The following MSRB3 variants were observed in gnomAD, a reference collection of about 807,000 sequenced individuals.
The protein encoded by MSRB3 is methionine sulfoxide reductase B3.
MSRB3 carries 13 observed loss-of-function variants against 21.0 expected under a neutral mutation model. That is an observed-to-expected ratio of 0.62 (90% CI 0.40 to 0.98). MSRB3 has a LOEUF of 0.98. Ranked by LOEUF, MSRB3 falls within the 50% of genes least tolerant of loss-of-function variation. The pLI, the probability that MSRB3 is intolerant of heterozygous loss-of-function variation, is 0.00. For synonymous variants in MSRB3, 87 were observed against 88.6 expected (o/e 0.98, Z 0.10); for missense variants, 199 against 230.3 (o/e 0.86, Z 0.88).
chr12:65,357,217 T>G (rs1239501519), intron 4 of MSRB3, among the ~76,000 whole-genome samples: 2 of 151,850 alleles, frequency 1.3e-5, no homozygotes, highest in Non-Finnish European at 2.9e-5. Context: ...CCATATCTAG[T>G]CTACCAATGC....
chr12:65,378,302 C>T (rs750909118), intron 5 of MSRB3, among the ~76,000 whole-genome samples: 1 of 152,158 alleles, frequency 6.6e-6, no homozygotes, highest in Non-Finnish European at 1.5e-5. Context: ...ATATAGTCAT[C>T]AAGCCTATCA....
At chr12:65,299,911 T>G (rs951591465) in intron 1 of MSRB3, among the ~76,000 whole-genome samples, 4 of 152,238 alleles carry the variant, frequency 2.6e-5, no homozygotes, top group African/African-American at 9.6e-5. Flanking sequence ...GTTATGACTA[T>G]GTGCACATCG....
rs577456496 is a variant in MSRB3 at position 65,392,078 on chromosome 12, T to G, written c.292+23052T>G. Among the ~76,000 whole-genome samples, 6 of 152,322 alleles carry G rather than the reference T, an allele frequency of 3.9e-5. No individual in the cohort carries two copies. The East Asian group carries it at 1.2e-3, about 29-fold the overall frequency. ...CTTTGGTTACCAGGTCAAATTGCATTTAGAACAGATTTTCTGAATCTTAGC... is the reference window on the plus strand; with the variant it reads ...CTTTGGTTACCAGGTCAAATTGCATGTAGAACAGATTTTCTGAATCTTAGC... On this transcript the variant is annotated intron_variant, in intron 5 of 6. Transcript: ENST00000308259.
intron 4 of MSRB3, among the ~76,000 whole-genome samples, chr12:65,350,268 T>C (rs1393143835): frequency 6.6e-6 from 1 of 151,736 alleles, no homozygotes; most frequent in African/African-American, 2.4e-5. Context: ...CATTGATCTA[T>C]ATCTCTGTTT....
chr12:65,441,448 G>A (rs990804028), intron 5 of MSRB3, among the ~76,000 whole-genome samples: 5 of 151,818 alleles, frequency 3.3e-5, no homozygotes, highest in Admixed American at 3.3e-4. Flanking sequence ...TAACTAATTC[G>A]GCTACAAAGA....
At chr12:65,332,862 C>G (rs1314977692) in intron 4 of MSRB3, among the ~76,000 whole-genome samples, 1 of 152,202 alleles carries the variant, frequency 6.6e-6, no homozygotes, top group Admixed American at 6.5e-5. Flanking sequence ...TTTCTTACTG[C>G]TTACCAAGTA....
intron 4 of MSRB3, among the ~76,000 whole-genome samples, chr12:65,347,398 G>A (rs1403312785): frequency 6.6e-6 from 1 of 152,110 alleles, no homozygotes; most frequent in East Asian, 1.9e-4. Flanking sequence ...TCTGTTATTG[G>A]TGTATTAGAA....
Position 65,342,042 on chromosome 12 carries a change from A to C in MSRB3, c.263+13439A>C, listed in dbSNP as rs1209631008. Among the ~76,000 whole-genome samples, 4 of 152,134 alleles carry C rather than the reference A, an allele frequency of 2.6e-5. No individual in the cohort carries two copies. The East Asian group carries it at 7.7e-4, about 29-fold the overall frequency. The stretch of plus-strand genomic sequence containing the variant: ...CACCACTCAACACTACTACAATACA[A>C]GTTCTAGGGGAAAATAGAAGTGGGA... On this transcript the variant is annotated intron_variant, in intron 4 of 6. Coordinates refer to ENST00000308259, the MANE Select transcript of MSRB3 (RefSeq NM_001031679.3).
At chr12:65,301,595 C>T (rs946425103) in intron 1 of MSRB3, among the ~76,000 whole-genome samples, 3 of 152,076 alleles carry the variant, frequency 2.0e-5, no homozygotes, top group Admixed American at 2.0e-4. Flanking sequence ...TCCAAAGGAA[C>T]AGTGCAGGAT....
intron 5 of MSRB3, among the ~76,000 whole-genome samples, chr12:65,429,225 G>C (rs1881763074): frequency 6.6e-6 from 1 of 152,128 alleles, no homozygotes; most frequent in Non-Finnish European, 1.5e-5. Flanking sequence ...CTTTGATATT[G>C]TTGATCCCAT....
intron 1 of MSRB3, among the ~76,000 whole-genome samples, chr12:65,299,255 T>C (rs1873166291): frequency 6.6e-6 from 1 of 152,218 alleles, no homozygotes; most frequent in Non-Finnish European, 1.5e-5. Flanking sequence ...TGTTTACCAT[T>C]GTTAGACTTT....
chr12:65,352,331 T>C (rs1020102690), intron 4 of MSRB3, among the ~76,000 whole-genome samples: 4 of 151,264 alleles, frequency 2.6e-5, no homozygotes, highest in African/African-American at 9.9e-5. Context: ...ATAAGAGCTA[T>C]CTATGAGAAA....
chr12:65,416,226 C>T (rs1011694219), intron 5 of MSRB3, among the ~76,000 whole-genome samples: 4 of 152,172 alleles, frequency 2.6e-5, no homozygotes, highest in African/African-American at 9.7e-5. Flanking sequence ...GAAATGTTCC[C>T]CATTAATTGC....
chr12:65,429,120 G>A (rs896264022), intron 5 of MSRB3, among the ~76,000 whole-genome samples: 1 of 152,154 alleles, frequency 6.6e-6, no homozygotes, highest in Admixed American at 6.5e-5. Flanking sequence ...AACAGACAGG[G>A]CTCCTGCTAT....
chr12:65,438,417 A>G (rs946016887), intron 5 of MSRB3, among the ~76,000 whole-genome samples: 1 of 151,898 alleles, frequency 6.6e-6, no homozygotes, highest in Admixed American at 6.6e-5. Context: ...TGGGGGACCT[A>G]TAGAGGAACT....
chr12:65,312,782 T>C (rs924029048), intron 2 of MSRB3, among the ~76,000 whole-genome samples: 19 of 152,208 alleles, frequency 1.2e-4, no homozygotes, highest in Middle Eastern at 3.4e-3. Flanking sequence ...CTCCAGAGCT[T>C]AACACAGTGC....
intron 5 of MSRB3, among the ~76,000 whole-genome samples, chr12:65,374,071 G>A (rs968518918): frequency 2.6e-5 from 4 of 152,136 alleles, no homozygotes; most frequent in African/African-American, 9.7e-5. Flanking sequence ...GCCTAACATA[G>A]TAAACTTTCC....
At chr12:65,332,185 A>G (rs1875467791) in intron 4 of MSRB3, among the ~76,000 whole-genome samples, 1 of 152,184 alleles carries the variant, frequency 6.6e-6, no homozygotes, top group Non-Finnish European at 1.5e-5. Context: ...GGGGTTCAGG[A>G]GCAAAAGTTT....
intron 4 of MSRB3, among the ~76,000 whole-genome samples, chr12:65,334,021 A>C (rs1387481421): frequency 1.3e-5 from 2 of 152,226 alleles, no homozygotes; most frequent in Non-Finnish European, 2.9e-5. Flanking sequence ...GATGTTAATT[A>C]ACAGCCTCAG....
Sources: allele counts gnomAD v4.1 joint callset (sites outside exome capture counted in the v4.1 genomes callset), GRCh38; gene constraint gnomAD v4.1.1; transcripts MANE v1.5; gene names NCBI Gene and HGNC (gene_info 2026-07-23, HGNC 2026-07-21).